Variants in TRAPPC8 observed in about 807,000 individuals in gnomAD.
The protein encoded by TRAPPC8 is trafficking protein particle complex subunit 8, also known as general sporulation gene 1 homolog.
Under a neutral mutation model 174.3 loss-of-function variants are expected in TRAPPC8, and 54 were observed. The observed-to-expected ratio is 0.31, with a 90% CI of 0.25 to 0.39. The LOEUF is 0.39. Among genes scored for constraint, TRAPPC8 ranks in the 10% least tolerant of loss-of-function variants. TRAPPC8 has a pLI of 1.00. For synonymous variants in TRAPPC8, 630 were observed against 579.9 expected (o/e 1.09, Z -1.24); for missense variants, 1,531 against 1,699.1 (o/e 0.90, Z 1.74).
chr18:31,935,364 C>A (rs370815002), intron 1 of TRAPPC8, among the ~76,000 whole-genome samples: 41 of 108,170 alleles, frequency 3.8e-4, no homozygotes, highest in South Asian at 1.5e-3. Context: ...ACAAACAAAC[C>A]AAAAAAAAAA....
intron 9 of TRAPPC8, among the ~76,000 whole-genome samples, chr18:31,901,447 G>T (rs909929203): frequency 6.6e-6 from 1 of 152,102 alleles, no homozygotes; most frequent in Non-Finnish European, 1.5e-5. Flanking sequence ...TTTCTTTATT[G>T]TATTTATATT....
chr18:31,873,639 G>T, intron 13 of TRAPPC8, 101 bp from the exon 14 acceptor site: 1 of 751,614 alleles, frequency 1.3e-6, no homozygotes, highest in Non-Finnish European at 2.2e-6. Context: ...AATATGTTAA[G>T]CAAGAATATT....
In TRAPPC8 at chr18:31,907,480, G is replaced by A. The variant is rs1165180009; in HGVS notation, c.1369C>T (p.Leu457Phe). ...CCAACCAAGGCACCAGCTGCATAAA[G>A]CATTGCTTGATCATTAAGAAAATCT... is the stretch of plus-strand genomic sequence containing the variant. The part of the protein sequence containing the change: ...KKDFLNDQAM[L>F]YAAGALEMAA... Residue 457 changes from leucine (L) to phenylalanine (F), a missense_variant, in exon 9 of 29, where the codon CTT becomes TTT. Leu to Phe is a conservative substitution (Grantham distance 22, BLOSUM62 0). Coordinates refer to ENST00000283351, the MANE Select transcript of TRAPPC8 (RefSeq NM_014939.5). 1 of 1,604,550 alleles carries A rather than the reference G, an allele frequency of 6.2e-7. No homozygotes were observed. Among genetic ancestry groups the A allele is most frequent in the South Asian group, 1.1e-5 (1 of 89,082 alleles).
chr18:31,895,736 A>T (rs1174627701), intron 11 of TRAPPC8: 1 of 152,254 alleles, frequency 6.6e-6, no homozygotes, highest in Admixed American at 6.5e-5. Flanking sequence ...ACGGCAACAC[A>T]TTCAAATCCA....
chr18:31,883,224 G>GAAAAA (rs397858732), intron 12 of TRAPPC8: 117 of 96,700 alleles, frequency 1.2e-3, no homozygotes, highest in African/African-American at 4.7e-3. Flanking sequence ...CTTCATCTCA[G>GAAAAA]AAAAAAAAAA....
chr18:31,849,890 G>C (rs1341344375), intron 24 of TRAPPC8, 151 bp from the exon 25 acceptor site: 6 of 634,544 alleles, frequency 9.5e-6, no homozygotes, highest in African/African-American at 1.9e-5. Context: ...AATAATTCTT[G>C]TCAATGTAGT....
At chr18:31,919,044 A>C (rs2037264748) in intron 2 of TRAPPC8, among the ~76,000 whole-genome samples, 1 of 152,188 alleles carries the variant, frequency 6.6e-6, no homozygotes, top group African/African-American at 2.4e-5. Context: ...GCTGAGGACA[A>C]AGCCATTCAT....
At position 31,874,750 on chromosome 18, in the gene TRAPPC8, T is replaced by C. The variant is rs748542719; in HGVS notation, c.1729-46A>G. 4 of 1,538,148 alleles carry C rather than the reference T, an allele frequency of 2.6e-6. No individual in the cohort carries two copies. The South Asian group carries it at 4.9e-5, about 19-fold the overall frequency. On this transcript the variant is annotated intron_variant, in intron 12 of 28. Coordinates refer to ENST00000283351, the MANE Select transcript of TRAPPC8 (RefSeq NM_014939.5). ...TAATGTATTATACTCCAAATTTGTTTGAACTAGAAAAAACAAATACAAACA... is the reference window on the plus strand; with the variant it reads ...TAATGTATTATACTCCAAATTTGTTCGAACTAGAAAAAACAAATACAAACA...
intron 2 of TRAPPC8, among the ~76,000 whole-genome samples, chr18:31,918,133 T>C (rs2037230129): frequency 6.6e-6 from 1 of 151,780 alleles, no homozygotes; most frequent in Admixed American, 6.6e-5. Context: ...CTCAAAATAA[T>C]AATAATAATA....
In TRAPPC8 at chr18:31,830,047, A is replaced by G. The variant is rs2032266069; in HGVS notation, c.*708T>C. 6.6e-6 allele frequency: 1 copy of G among 152,652 alleles called. No individual in the cohort carries two copies. Among genetic ancestry groups the G allele is most frequent in the South Asian group, 2.1e-4 (1 of 4,836 alleles). 9.5% of individuals were successfully genotyped at this position (152,652 alleles called of 1,614,324 possible). ...AACTTGAGATTTATATTTTAAACAGATCAACTCAATAGTTAACGTTATATA... is the reference window on the plus strand; with the variant it reads ...AACTTGAGATTTATATTTTAAACAGGTCAACTCAATAGTTAACGTTATATA... On this transcript the variant is annotated 3_prime_UTR_variant, in exon 29 of 29. Coordinates refer to ENST00000283351, the MANE Select transcript of TRAPPC8 (RefSeq NM_014939.5).
At chr18:31,850,720 CAT>C (rs1352574495) in intron 24 of TRAPPC8, among the ~76,000 whole-genome samples, 2 of 152,056 alleles carry the variant, frequency 1.3e-5, no homozygotes, top group African/African-American at 4.8e-5. Context: ...ACACTGTCCC[CAT>C]AGTTTTCTCA....
In TRAPPC8 at chr18:31,917,625, T is replaced by C; in HGVS notation, c.395A>G (p.Gln132Arg). 6.2e-7 allele frequency: 1 copy of C among 1,613,546 alleles called. No homozygotes were observed. The highest frequency in any genetic ancestry group is 8.5e-7 in the Non-Finnish European group (1 of 1,179,770). Residue 132 changes from glutamine to arginine, a missense_variant, in exon 3 of 29, where the codon CAG becomes CGG. Gln to Arg is a conservative substitution (Grantham distance 43, BLOSUM62 1). Coordinates refer to ENST00000283351, the MANE Select transcript of TRAPPC8 (RefSeq NM_014939.5). Reference protein sequence around the residue: ...WFESYRETFLQSMPALDHEFL... With the variant: ...WFESYRETFLRSMPALDHEFL... ...TTCATGATCCAATGCTGGCATCGAC[T>C]GAAGAAAGGTTTCTCTGTAAGACTC...
At chr18:31,905,695 A>C (rs1261757299) in intron 9 of TRAPPC8, among the ~76,000 whole-genome samples, 2 of 152,202 alleles carry the variant, frequency 1.3e-5, no homozygotes. Context: ...AACTTTTCTC[A>C]GAAGCCCATT....
intron 19 of TRAPPC8, among the ~76,000 whole-genome samples, chr18:31,862,714 T>C (rs764122362): frequency 9.2e-5 from 14 of 151,998 alleles, no homozygotes; most frequent in Non-Finnish European, 1.9e-4. Flanking sequence ...CATGAGTATG[T>C]TACCTATATC....
At chr18:31,903,720 T>C (rs1340571543) in intron 9 of TRAPPC8, among the ~76,000 whole-genome samples, 1 of 152,172 alleles carries the variant, frequency 6.6e-6, no homozygotes, top group Non-Finnish European at 1.5e-5. Flanking sequence ...TCCTAGATCA[T>C]ATTTCATTTT....
At chr18:31,926,104 T>C (rs1197543347) in intron 2 of TRAPPC8, among the ~76,000 whole-genome samples, 1 of 152,184 alleles carries the variant, frequency 6.6e-6, no homozygotes, top group Non-Finnish European at 1.5e-5. Context: ...TGAACACCAT[T>C]TCCCAGCTTT....
At position 31,936,699 on chromosome 18, in the gene TRAPPC8, C is replaced by T. The variant is rs569090236; in HGVS notation, c.158-5176G>A. On this transcript the variant is annotated intron_variant, in intron 1 of 28. Coordinates refer to ENST00000283351, the MANE Select transcript of TRAPPC8 (RefSeq NM_014939.5). ...GGTGGATCACTTGAGGTCGGGAGTT[C>T]GAGACTAGCCTGGCCAACATAGCAA... Among the ~76,000 whole-genome samples, 9 of 149,022 alleles carry T rather than the reference C, an allele frequency of 6.0e-5. No individual in the cohort carries two copies. The South Asian group carries it at 1.9e-3, about 32-fold the overall frequency.
At chr18:31,892,882 T>C (rs563878150) in intron 11 of TRAPPC8, among the ~76,000 whole-genome samples, 7 of 152,168 alleles carry the variant, frequency 4.6e-5, no homozygotes, top group South Asian at 2.1e-4. Context: ...CTGGGCATGA[T>C]GGTGAGTGTC....
intron 2 of TRAPPC8, among the ~76,000 whole-genome samples, chr18:31,921,194 C>G (rs985836959): frequency 6.6e-6 from 1 of 151,966 alleles, no homozygotes; most frequent in East Asian, 1.9e-4. Context: ...AAGAGCCATA[C>G]CTATATTTGC....
Sources: allele counts gnomAD v4.1 joint callset (sites outside exome capture counted in the v4.1 genomes callset), GRCh38; gene constraint gnomAD v4.1.1; transcripts MANE v1.5; gene names NCBI Gene and HGNC (gene_info 2026-07-23, HGNC 2026-07-21).